Variants in PHF14 observed in about 807,000 individuals in gnomAD.
PHF14 encodes the protein PHD finger protein 14.
A neutral mutation model predicts 117.9 loss-of-function variants in PHF14; 55 were observed. The observed-to-expected ratio is 0.47, with a 90% CI of 0.38 to 0.58. PHF14 has a LOEUF of 0.58. Ranked by LOEUF, PHF14 falls within the 20% of genes least tolerant of loss-of-function variation. The pLI, the probability that PHF14 is intolerant of heterozygous loss-of-function variation, is 0.00. For missense variants in PHF14, 978 were observed against 1,122.2 expected (o/e 0.87, Z 1.84); for synonymous variants, 409 against 368.6 (o/e 1.11, Z -1.26).
intron 4 of PHF14, among the ~76,000 whole-genome samples, chr7:11,003,598 C>G (rs1267946742): frequency 6.6e-6 from 1 of 151,910 alleles, no homozygotes. Context: ...ACATAATTAC[C>G]CAATTTTTAA....
intron 13 of PHF14, 127 bp from the exon 14 acceptor site, chr7:11,051,485 A>G: frequency 1.4e-6 from 1 of 701,520 alleles, no homozygotes; most frequent in Non-Finnish European, 2.3e-6. Context: ...TGTACCCTAT[A>G]ATCACATTAC....
chr7:11,157,122 C>T (rs1388004809), intron 17 of PHF14, among the ~76,000 whole-genome samples: 1 of 152,080 alleles, frequency 6.6e-6, no homozygotes, highest in Admixed American at 6.5e-5. Context: ...GCCTCTCTAC[C>T]ACACTGGGGC....
At chr7:11,159,457 T>G (rs982939217) in intron 17 of PHF14, among the ~76,000 whole-genome samples, 1 of 152,104 alleles carries the variant, frequency 6.6e-6, no homozygotes, top group Admixed American at 6.6e-5. Context: ...AGATGATGAT[T>G]GTTATTTTTC....
At chr7:11,093,256 C>T (rs1392942429) in intron 16 of PHF14, among the ~76,000 whole-genome samples, 2 of 152,124 alleles carry the variant, frequency 1.3e-5, no homozygotes, top group Non-Finnish European at 2.9e-5. Context: ...TGTTTCTTGA[C>T]AGTGGATTTT....
intron 16 of PHF14, among the ~76,000 whole-genome samples, chr7:11,075,765 A>G (rs185706678): frequency 4.0e-4 from 61 of 152,106 alleles, no homozygotes; most frequent in African/African-American, 1.4e-3. Context: ...TAGATACCCT[A>G]TGAAATAAGT....
intron 4 of PHF14, among the ~76,000 whole-genome samples, chr7:10,994,434 G>A (rs548098798): frequency 9.9e-5 from 15 of 152,014 alleles, no homozygotes; most frequent in South Asian, 2.1e-4. Flanking sequence ...GTGAGACTCC[G>A]TCTCAAAAAA....
intron 16 of PHF14, chr7:11,104,163 C>T: frequency 1.0e-6 from 1 of 984,386 alleles, no homozygotes; most frequent in Non-Finnish European, 1.2e-6. Context: ...CACTGTTAAT[C>T]AAAATCCTTT....
intron 11 of PHF14, among the ~76,000 whole-genome samples, chr7:11,040,252 T>A (rs1233799593): frequency 2.0e-5 from 3 of 152,080 alleles, no homozygotes; most frequent in Admixed American, 1.3e-4. Context: ...CTCACTTGCT[T>A]TGTTGGAGAG....
intron 14 of PHF14, among the ~76,000 whole-genome samples, chr7:11,058,014 G>A (rs1170497780): frequency 6.6e-6 from 1 of 152,164 alleles, no homozygotes; most frequent in Non-Finnish European, 1.5e-5. Flanking sequence ...TTAATCATGT[G>A]GAATTTCCAG....
chr7:11,053,099 G>C (rs1784897298), intron 14 of PHF14, among the ~76,000 whole-genome samples: 1 of 151,922 alleles, frequency 6.6e-6, no homozygotes, highest in African/African-American at 2.4e-5. Context: ...ATATTTTTAG[G>C]GTTAGTTGTC....
At chr7:11,074,366 A>G (rs1191517648) in intron 16 of PHF14, among the ~76,000 whole-genome samples, 1 of 151,464 alleles carries the variant, frequency 6.6e-6, no homozygotes, top group Non-Finnish European at 1.5e-5. Flanking sequence ...GCCTGCCACC[A>G]CGCCCAGCTA....
At chr7:11,133,836 C>A (rs1788149223) in intron 17 of PHF14, among the ~76,000 whole-genome samples, 1 of 151,894 alleles carries the variant, frequency 6.6e-6, no homozygotes, top group South Asian at 2.1e-4. Context: ...ACAACAATTG[C>A]AGTATGCAGT....
intron 4 of PHF14, among the ~76,000 whole-genome samples, chr7:11,007,473 T>A (rs1055227942): frequency 6.6e-6 from 1 of 152,166 alleles, no homozygotes; most frequent in African/African-American, 2.4e-5. Flanking sequence ...AATTTTTATC[T>A]AAAACTCAAT....
At chr7:10,994,614 G>C (rs1259979354) in intron 4 of PHF14, among the ~76,000 whole-genome samples, 2 of 152,128 alleles carry the variant, frequency 1.3e-5, no homozygotes, top group Admixed American at 6.5e-5. Context: ...ATTGTGTCCG[G>C]AATTGGTGGG....
At chr7:11,006,946 A>T in intron 4 of PHF14, 1 of 439,640 alleles carries the variant, frequency 2.3e-6, no homozygotes, top group Non-Finnish European at 4.3e-6. Flanking sequence ...AGGCTGAGGC[A>T]TGTGGATCAC....
intron 17 of PHF14, among the ~76,000 whole-genome samples, chr7:11,111,768 A>G (rs2128343613): frequency 6.6e-6 from 1 of 152,140 alleles, no homozygotes; most frequent in East Asian, 1.9e-4. Context: ...CTAACTTAAC[A>G]CACTTGAGAA....
At position 10,982,543 on chromosome 7, in the gene PHF14, A is replaced by C. The variant is rs1460783476; in HGVS notation, c.284A>C (p.Gln95Pro). The C allele has an allele frequency of 6.6e-7, 1 of 1,521,326 alleles. No homozygotes were observed. Among genetic ancestry groups the C allele is most frequent in the Non-Finnish European group, 8.9e-7 (1 of 1,119,352 alleles). The allele number at this position is 1,521,326 out of a possible 1,614,324, so 94.2% of individuals were successfully genotyped here. The part of the protein sequence containing the change: ...AEEEVLSSEK[Q>P]LIKMEKKEEE... The stretch of plus-strand genomic sequence containing the variant: ...GAAGAAGTACTATCATCAGAAAAAC[A>C]ATTAATTAAAATGGAAAAGAAGGAA... Residue 95 changes from glutamine to proline, a missense_variant, in exon 3 of 18, where the codon CAA becomes CCA. Physicochemically the swap from Gln to Pro is moderately conservative, Grantham distance 76. Transcript: ENST00000634607.
chr7:11,032,720 T>C (rs1784162599), intron 7 of PHF14, among the ~76,000 whole-genome samples: 1 of 152,186 alleles, frequency 6.6e-6, no homozygotes, highest in Admixed American at 6.5e-5. Flanking sequence ...ATTTTTGTCT[T>C]ATATTTTTCT....
intron 17 of PHF14, among the ~76,000 whole-genome samples, chr7:11,123,812 A>G (rs1384959142): frequency 6.8e-6 from 1 of 147,936 alleles, no homozygotes; most frequent in Non-Finnish European, 1.5e-5. Flanking sequence ...TCGTGCCACT[A>G]CACTCCAGCC....
Sources: allele counts gnomAD v4.1 joint callset (sites outside exome capture counted in the v4.1 genomes callset), GRCh38; gene constraint gnomAD v4.1.1; transcripts MANE v1.5; gene names NCBI Gene and HGNC (gene_info 2026-07-23, HGNC 2026-07-21).